Variants in AMZ1 observed in about 807,000 individuals in gnomAD.
AMZ1 encodes the protein archaelysin family metallopeptidase 1.
Under a neutral mutation model 29.9 loss-of-function variants are expected in AMZ1, and 39 were observed. The ratio of observed to expected loss-of-function variants is 1.30; its 90% confidence interval spans 1.01 to 1.70. The LOEUF (loss-of-function observed/expected upper bound fraction) is 1.70, where lower values mean the gene tolerates loss of function less well. AMZ1 is among the 40% of genes most tolerant of loss of function. The pLI is 0.00. For missense variants in AMZ1, 1,041 were observed against 680.6 expected (o/e 1.53, Z -5.89); for synonymous variants, 458 against 304.0 (o/e 1.51, Z -5.27).
chr7:2,763,872 G>C (rs1447221186), upstream of AMZ1, among the ~76,000 whole-genome samples: 1 of 152,234 alleles, frequency 6.6e-6, no homozygotes, highest in African/African-American at 2.4e-5. Flanking sequence ...GAGAGCGAGG[G>C]AGACGGAGAG....
At chr7:2,743,923 T>C (rs915389095) in intron 4 of AMZ1, among the ~76,000 whole-genome samples, 2 of 151,746 alleles carry the variant, frequency 1.3e-5, no homozygotes, top group Non-Finnish European at 2.9e-5. Flanking sequence ...TGCTCATTGC[T>C]AGCACAGCAG....
At position 2,717,593 on chromosome 7, in the gene AMZ1, CTCT is replaced by C. The variant is rs538539805; in HGVS notation, c.*4717_*4719del. ...ACCTAAAGCAGCAGCAAATTTATGG[CTCT>C]TGGAACACGAGGCTGTCAAAGATAA... is the stretch of plus-strand genomic sequence containing the variant. On this transcript the variant is annotated 3_prime_UTR_variant, in exon 7 of 7. Transcript: ENST00000683327. 2.2e-4 allele frequency among the ~76,000 whole-genome samples: 34 copies of C among 152,324 alleles called. No individual in the cohort carries two copies. Among genetic ancestry groups the C allele is most frequent in the Non-Finnish European group, 3.8e-4 (26 of 68,030 alleles).
chr7:2,754,187 C>G (rs1791179845), intron 4 of AMZ1, among the ~76,000 whole-genome samples: 1 of 152,208 alleles, frequency 6.6e-6, no homozygotes, highest in South Asian at 2.1e-4. Flanking sequence ...TGCTAGCTCA[C>G]AGCAGTCTGA....
chr7:2,685,121 G>A (rs191123115), upstream of AMZ1, among the ~76,000 whole-genome samples: 43 of 151,638 alleles, frequency 2.8e-4, 1 homozygote, highest in East Asian at 5.0e-3. Context: ...CGCCCGCCTC[G>A]GCCTCCCAAA....
At chr7:2,762,760 C>G, upstream of AMZ1, 6 of 1,550,028 alleles carry the variant, frequency 3.9e-6, no homozygotes, top group Non-Finnish European at 3.5e-6. Context: ...GCACCAGGCC[C>G]GTCCTTTCCA....
chr7:2,761,531 C>A (rs1051546506), upstream of AMZ1, among the ~76,000 whole-genome samples: 5 of 152,208 alleles, frequency 3.3e-5, no homozygotes, highest in African/African-American at 1.2e-4. Flanking sequence ...AGAGCTGGAA[C>A]GGACAGCATC....
At chr7:2,739,606 G>A (rs561658731) in intron 4 of AMZ1, among the ~76,000 whole-genome samples, 2 of 152,222 alleles carry the variant, frequency 1.3e-5, no homozygotes, top group Non-Finnish European at 2.9e-5. Context: ...CTGTGTGGAA[G>A]TTTTTGCTTG....
chr7:2,711,405 C>T (rs1285090356), intron 6 of AMZ1, among the ~76,000 whole-genome samples: 12 of 152,226 alleles, frequency 7.9e-5, no homozygotes, highest in Admixed American at 2.0e-4. Flanking sequence ...AACAGTCTCA[C>T]GATGGCTGAT....
At chr7:2,724,612 C>T (rs936351307), downstream of AMZ1, among the ~76,000 whole-genome samples, 13 of 152,250 alleles carry the variant, frequency 8.5e-5, no homozygotes, top group African/African-American at 2.9e-4. Context: ...TGGGACCCCA[C>T]GGTAACTGCA....
At position 2,733,956 on chromosome 7, in the gene AMZ1, C is replaced by T. The variant is rs138888908; in HGVS notation, n.550+24140C>T. Among the ~76,000 whole-genome samples, 51 of 152,336 alleles carry T rather than the reference C, an allele frequency of 3.3e-4. No homozygotes were observed. In the East Asian group the frequency reaches 6.2e-3, roughly 18 times the overall value. ...TGTCCTTAAAGACAAAACATCCTGA[C>T]GAAAAGGAGCATCTAGCAAAACATC... On this transcript the variant is annotated intron_variant and non_coding_transcript_variant, in intron 4 of 4. Transcript: ENST00000489665.
At chr7:2,699,014 C>T (rs1431282308) in intron 1 of AMZ1, among the ~76,000 whole-genome samples, 2 of 152,180 alleles carry the variant, frequency 1.3e-5, no homozygotes, top group South Asian at 4.1e-4. Flanking sequence ...GCTGCTGATT[C>T]ATAAGGGTCT....
At position 2,717,779 on chromosome 7, in the gene AMZ1, G is replaced by C. The variant is rs1393302879; in HGVS notation, c.*4901G>C. ...GCAGCACCTTGATGAATGAGAACCC[G>C]GAAGAATGGAGGTTTATTTTTGAAC... On this transcript the variant is annotated 3_prime_UTR_variant, in exon 7 of 7. Coordinates refer to ENST00000683327, the MANE Select transcript of AMZ1 (RefSeq NM_001384743.1). 6.6e-6 allele frequency among the ~76,000 whole-genome samples: 1 copy of C among 152,142 alleles called. No individual in the cohort carries two copies. Among genetic ancestry groups the C allele is most frequent in the African/African-American group, 2.4e-5 (1 of 41,420 alleles).
upstream of AMZ1, chr7:2,762,262 G>A (rs1791595234): frequency 2.3e-5 from 5 of 218,930 alleles, no homozygotes; most frequent in Non-Finnish European, 3.6e-5. Context: ...CCCTGACTTA[G>A]GGTCGTCACA....
At chr7:2,722,781 T>A (rs1420084711), downstream of AMZ1, among the ~76,000 whole-genome samples, 2 of 152,110 alleles carry the variant, frequency 1.3e-5, no homozygotes, top group Non-Finnish European at 2.9e-5. Context: ...AACACCAGCC[T>A]GGGCAACACA....
At chr7:2,683,670 C>G (rs953024955), upstream of AMZ1, among the ~76,000 whole-genome samples, 1 of 152,090 alleles carries the variant, frequency 6.6e-6, no homozygotes, top group Admixed American at 6.5e-5. Flanking sequence ...GATCTCCTGA[C>G]CTCGTGATCC....
downstream of AMZ1, among the ~76,000 whole-genome samples, chr7:2,721,330 G>A (rs1156693782): frequency 1.3e-5 from 2 of 152,200 alleles, no homozygotes; most frequent in African/African-American, 4.8e-5. Context: ...CCTCTGCTTC[G>A]GGAAAGGTGC....
intron 4 of AMZ1, chr7:2,733,620 A>G: frequency 1.4e-6 from 1 of 735,636 alleles, no homozygotes; most frequent in Non-Finnish European, 2.5e-6. Flanking sequence ...ATGGGAAAGC[A>G]AAGGAAAAAG....
intron 4 of AMZ1, among the ~76,000 whole-genome samples, chr7:2,738,207 G>A (rs1383806799): frequency 6.6e-6 from 1 of 152,044 alleles, no homozygotes; most frequent in Non-Finnish European, 1.5e-5. Context: ...TTGAGGTCAG[G>A]AGTTCGAGAC....
intron 1 of AMZ1, among the ~76,000 whole-genome samples, chr7:2,692,707 T>G (rs1787474219): frequency 6.6e-6 from 1 of 152,252 alleles, no homozygotes; most frequent in Middle Eastern, 3.4e-3. Context: ...CTCCACACGC[T>G]GACACCTGGC....
Sources: gnomAD v4.1 joint callset for allele counts (sites outside exome capture counted in the v4.1 genomes callset) on GRCh38, gnomAD v4.1.1 for gene constraint, MANE v1.5 for transcripts, NCBI Gene and HGNC (gene_info 2026-07-23, HGNC 2026-07-21) for gene names.